CTSO: variants seen among roughly 807,000 people sequenced by gnomAD.
CTSO encodes cathepsin O.
Under a neutral mutation model 42.4 loss-of-function variants are expected in CTSO, and 40 were observed. The ratio of observed to expected loss-of-function variants is 0.94; its 90% CI spans 0.73 to 1.23. The LOEUF is 1.23. CTSO is among the 50% of genes most tolerant of loss of function. CTSO has a pLI of 0.00. For synonymous variants in CTSO, 156 were observed against 146.2 expected (o/e 1.07, Z -0.48); for missense variants, 441 against 396.0 (o/e 1.11, Z -0.96).
intron 3 of CTSO, among the ~76,000 whole-genome samples, chr4:155,940,417 T>C (rs1743408424): frequency 6.6e-6 from 1 of 151,130 alleles, no homozygotes; most frequent in African/African-American, 2.4e-5. Flanking sequence ...GGAATGACAA[T>C]TGGATATCTT....
chr4:155,951,356 A>G (rs1048459711), intron 1 of CTSO, among the ~76,000 whole-genome samples: 10 of 152,304 alleles, frequency 6.6e-5, no homozygotes, highest in African/African-American at 2.4e-4. Flanking sequence ...AAAGGAGAGT[A>G]GGCTAAATCC....
chr4:155,953,779 C>A lies in CTSO; in HGVS notation c.69G>T (p.Ala23=). 1 of 1,340,014 alleles carries A rather than the reference C, an allele frequency of 7.5e-7. No homozygotes were observed. Among genetic ancestry groups the A allele is most frequent in the South Asian group, 1.9e-5 (1 of 51,902 alleles). 83.0% of individuals were successfully genotyped at this position (1,340,014 alleles called of 1,614,324 possible). A position where few individuals can be genotyped will look rare whatever the true frequency, so the allele number is the denominator to read the frequency against. Residue 23 remains alanine, a synonymous_variant, in exon 1 of 8, where the codon GCG becomes GCT. Transcript: ENST00000433477. ...LWLLCRGGGD[A]DSRAPFTPTW... ...TCGGGGTGAAGGGGGCGCGGGAGTC[C>A]GCATCGCCGCCGCCCCGGCACAGCA...
intron 4 of CTSO, among the ~76,000 whole-genome samples, chr4:155,937,708 G>A (rs1460158895): frequency 6.6e-6 from 1 of 151,684 alleles, no homozygotes. Context: ...TCCACCTCCT[G>A]GGCACCAGTG....
chr4:155,928,431 A>G lies in CTSO; in HGVS notation c.839-3T>C, dbSNP rs1743170611. The G allele has an allele frequency of 3.1e-6, 5 of 1,592,658 alleles. No individual in the cohort carries two copies. The highest frequency in any genetic ancestry group is 4.3e-6 in the Non-Finnish European group (5 of 1,168,540). The stretch of plus-strand genomic sequence containing the variant: ...CACAATCCAATATGGAGTGCTTCCT[A>G]CAGTGAAACATAAATAGTAACAAAT... On this transcript the variant is annotated splice_region_variant and splice_polypyrimidine_tract_variant and intron_variant, in intron 6 of 7. Coordinates refer to ENST00000433477, the MANE Select transcript of CTSO (RefSeq NM_001334.3).
At chr4:155,950,659 C>A (rs979165131) in intron 1 of CTSO, among the ~76,000 whole-genome samples, 1 of 150,976 alleles carries the variant, frequency 6.6e-6, no homozygotes, top group Non-Finnish European at 1.5e-5. Flanking sequence ...GAGGGGCCTG[C>A]GAGCATGCAT....
intron 6 of CTSO, 64 bp from the exon 7 acceptor site, chr4:155,928,492 T>C: frequency 8.4e-7 from 1 of 1,186,412 alleles, no homozygotes; most frequent in Non-Finnish European, 1.2e-6. Context: ...TGTTTAAGTT[T>C]CTTTATTTTA....
chr4:155,933,536 T>C (rs1407658178), intron 5 of CTSO, among the ~76,000 whole-genome samples: 1 of 152,176 alleles, frequency 6.6e-6, no homozygotes, highest in Admixed American at 6.5e-5. Context: ...TTGGAACAGT[T>C]TCAAGGGCTC....
At chr4:155,938,563 G>T (rs905031989) in intron 4 of CTSO, among the ~76,000 whole-genome samples, 3 of 152,032 alleles carry the variant, frequency 2.0e-5, no homozygotes, top group East Asian at 1.9e-4. Flanking sequence ...GGGACTGAAG[G>T]TACAACTCCG....
At chr4:155,930,021 A>C (rs1431468969) in intron 5 of CTSO, among the ~76,000 whole-genome samples, 1 of 152,212 alleles carries the variant, frequency 6.6e-6, no homozygotes, top group East Asian at 1.9e-4. Context: ...AGAAAGCAGA[A>C]GTGATACATC....
At chr4:155,932,242 T>G (rs1282798112) in intron 5 of CTSO, among the ~76,000 whole-genome samples, 1 of 152,142 alleles carries the variant, frequency 6.6e-6, no homozygotes, top group African/African-American at 2.4e-5. Flanking sequence ...CTGTACAATG[T>G]TTTAAGGAGC....
At chr4:155,940,438 A>C (rs2110923566) in intron 3 of CTSO, among the ~76,000 whole-genome samples, 1 of 152,270 alleles carries the variant, frequency 6.6e-6, no homozygotes, top group African/African-American at 2.4e-5. Flanking sequence ...TGCAGAGTTA[A>C]GTTTTGAGCA....
At chr4:155,937,518 C>T (rs201030390) in intron 4 of CTSO, 35 bp from the exon 5 acceptor site, 50 of 1,597,724 alleles carry the variant, frequency 3.1e-5, no homozygotes, top group Non-Finnish European at 3.9e-5. Context: ...TGTTTACTGT[C>T]AATTGTTTTA....
At chr4:155,930,775 A>G (rs1422206867) in intron 5 of CTSO, among the ~76,000 whole-genome samples, 1 of 152,192 alleles carries the variant, frequency 6.6e-6, no homozygotes, top group Non-Finnish European at 1.5e-5. Flanking sequence ...AATTGATTGA[A>G]ATAGAAACTA....
chr4:155,928,227 G>T, intron 7 of CTSO, 109 bp downstream of exon 7: 1 of 669,100 alleles, frequency 1.5e-6, no homozygotes, highest in Non-Finnish European at 2.3e-6. Context: ...TTGGTTAAAG[G>T]ACAAAAATTA....
chr4:155,944,144 A>G (rs1389897320), intron 1 of CTSO, among the ~76,000 whole-genome samples: 1 of 152,226 alleles, frequency 6.6e-6, no homozygotes, highest in Non-Finnish European at 1.5e-5. Flanking sequence ...CACTTAGCAC[A>G]TGGCTGACAC....
chr4:155,931,955 T>C (rs3903291), intron 5 of CTSO, among the ~76,000 whole-genome samples: 141,085 of 151,888 alleles, frequency 0.93, 66,085 homozygotes, highest in East Asian at 1. Context: ...CTGTTACTGA[T>C]GCTTCATAAT....
At chr4:155,929,985 A>C (rs1350234556) in intron 5 of CTSO, among the ~76,000 whole-genome samples, 3 of 152,218 alleles carry the variant, frequency 2.0e-5, no homozygotes, top group Non-Finnish European at 4.4e-5. Context: ...CCAGCCATTT[A>C]ACACATATTT....
chr4:155,932,769 C>T (rs896690729), intron 5 of CTSO, among the ~76,000 whole-genome samples: 3 of 152,118 alleles, frequency 2.0e-5, no homozygotes, highest in Admixed American at 6.6e-5. Flanking sequence ...CCTGCTGCCC[C>T]GGTTCTCTCA....
At chr4:155,934,348 G>A (rs1408925783) in intron 5 of CTSO, among the ~76,000 whole-genome samples, 2 of 152,236 alleles carry the variant, frequency 1.3e-5, no homozygotes, top group Non-Finnish European at 2.9e-5. Context: ...TTTGCTGCAG[G>A]AGCAGGGCCC....
Sources: gnomAD v4.1 joint callset for allele counts (sites outside exome capture counted in the v4.1 genomes callset) on GRCh38, gnomAD v4.1.1 for gene constraint, MANE v1.5 for transcripts, NCBI Gene and HGNC (gene_info 2026-07-23, HGNC 2026-07-21) for gene names.